The following HNF1B variants were observed in gnomAD, a reference collection of about 807,000 sequenced individuals.
The protein encoded by HNF1B is HNF1 homeobox B, also known as hepatocyte nuclear factor 1-beta.
HNF1B carries 8 observed loss-of-function variants against 61.7 expected under a neutral mutation model. That is an observed-to-expected ratio of 0.13 (90% CI 0.08 to 0.23). The LOEUF (loss-of-function observed/expected upper bound fraction) is 0.23, where lower values mean the gene tolerates loss of function less well. HNF1B is among the 10% of genes least tolerant of loss of function. HNF1B has a pLI of 1.00. For missense variants in HNF1B, 562 were observed against 714.5 expected (o/e 0.79, Z 2.43); for synonymous variants, 314 against 287.7 (o/e 1.09, Z -0.93).
rs1415025339 is a variant in HNF1B at position 37,731,535 on chromosome 17, T to C, written c.1045+60A>G. 8.0e-6 allele frequency: 11 copies of C among 1,378,916 alleles called. No individual in the cohort carries two copies. The East Asian group carries it at 2.4e-4, about 31-fold the overall frequency. The allele number at this position is 1,378,916 out of a possible 1,614,324, so 85.4% of individuals were successfully genotyped here. A position where few individuals can be genotyped will look rare whatever the true frequency, so the allele number is the denominator to read the frequency against. On this transcript the variant is annotated intron_variant, in intron 4 of 8. Coordinates refer to ENST00000617811, the MANE Select transcript of HNF1B (RefSeq NM_000458.4). ...CTGAAAACCCTTAAACCAGATAAGA[T>C]CCGTGGCAAGAACCAGGATGGTTGG...
intron 2 of HNF1B, among the ~76,000 whole-genome samples, chr17:37,734,338 T>A (rs901228122): frequency 5.9e-5 from 9 of 152,260 alleles, no homozygotes; most frequent in Non-Finnish European, 1.3e-4. Context: ...CCAAACCTTT[T>A]GGAACATGCT....
At position 37,731,691 on chromosome 17, in the gene HNF1B, C is replaced by T. The variant is rs193922492; in HGVS notation, c.949G>A (p.Ala317Thr). ...EAFRQKLAMD[A>T]YSSNQTHSLN... ...CTGTGAGTCTGGTTGGAGCTATAGG[C>T]GTCCATGGCCAGCTTTTGCCGGAAT... Residue 317 changes from alanine to threonine, a missense_variant, in exon 4 of 9, where the codon GCC becomes ACC. Physicochemically the swap from Ala to Thr is moderately conservative, Grantham distance 58. Around this residue, in one of 6 missense-constraint regions of HNF1B, gnomAD observed 54 missense variants for 122.1 expected, o/e 0.44. Coordinates refer to ENST00000617811, the MANE Select transcript of HNF1B (RefSeq NM_000458.4). The T allele has an allele frequency of 2.0e-5, 32 of 1,613,986 alleles. No homozygotes were observed. The highest frequency in any genetic ancestry group is 2.5e-5 in the Non-Finnish European group (30 of 1,180,024).
chr17:37,739,279 C>A (rs946467029), intron 2 of HNF1B, among the ~76,000 whole-genome samples, 161 bp downstream of exon 2: 1 of 152,126 alleles, frequency 6.6e-6, no homozygotes, highest in Non-Finnish European at 1.5e-5. Context: ...GAAGCCAATC[C>A]ATTGTACAGC....
chr17:37,699,233 A>G, intron 7 of HNF1B, 39 bp from the exon 8 acceptor site: 1 of 1,482,004 alleles, frequency 6.7e-7, no homozygotes. Flanking sequence ...AGGTGCATAC[A>G]CAGGCAAAGA....
chr17:37,697,901 C>T (rs1395196119), intron 8 of HNF1B, among the ~76,000 whole-genome samples: 1 of 152,026 alleles, frequency 6.6e-6, no homozygotes, highest in Non-Finnish European at 1.5e-5. Flanking sequence ...CTTGCTGAAT[C>T]CTCAGAAAAA....
intron 2 of HNF1B, among the ~76,000 whole-genome samples, chr17:37,734,937 C>T (rs574458631): frequency 6.2e-4 from 94 of 151,840 alleles, no homozygotes; most frequent in African/African-American, 2.2e-3. Context: ...TATAGGTGTG[C>T]GGCACCATGC....
At chr17:37,720,508 CAT>C (rs754776125) in intron 4 of HNF1B, among the ~76,000 whole-genome samples, 4 of 151,374 alleles carry the variant, frequency 2.6e-5, no homozygotes, top group African/African-American at 4.9e-5. Flanking sequence ...TTTATATATA[CAT>C]ATATATATAA....
chr17:37,737,248 A>G (rs1013673363), intron 2 of HNF1B, among the ~76,000 whole-genome samples: 2 of 152,178 alleles, frequency 1.3e-5, no homozygotes, highest in African/African-American at 4.8e-5. Context: ...CCTTCAAGAC[A>G]TGATTTGAAT....
At chr17:37,688,606 G>C (rs1568629479) in intron 8 of HNF1B, among the ~76,000 whole-genome samples, 3 of 152,206 alleles carry the variant, frequency 2.0e-5, no homozygotes, top group African/African-American at 7.2e-5. Context: ...CAAACTAGCT[G>C]TCTAGGTGGC....
At chr17:37,712,992 A>G (rs2032985880) in intron 4 of HNF1B, among the ~76,000 whole-genome samples, 1 of 152,168 alleles carries the variant, frequency 6.6e-6, no homozygotes, top group Non-Finnish European at 1.5e-5. Flanking sequence ...AAAGAATCCT[A>G]CCCTGGCAGA....
Position 37,743,846 on chromosome 17 carries a change from G to A in HNF1B, c.344+695C>T, listed in dbSNP as rs548600257. Reference sequence around the variant, plus strand: ...GAGACCAGATCCTCTGCGAACTGAGGTCTGAGACGCGTTCGCCCCCACACC... The same window carrying A: ...GAGACCAGATCCTCTGCGAACTGAGATCTGAGACGCGTTCGCCCCCACACC... On this transcript the variant is annotated intron_variant, in intron 1 of 8. Coordinates refer to ENST00000617811, the MANE Select transcript of HNF1B (RefSeq NM_000458.4). Among the ~76,000 whole-genome samples the A allele has an allele frequency of 3.3e-5, 5 of 152,346 alleles. No individual in the cohort carries two copies. The East Asian group carries it at 7.7e-4, about 24-fold the overall frequency.
chr17:37,694,998 A>G (rs1166871491), intron 8 of HNF1B, among the ~76,000 whole-genome samples: 1 of 152,232 alleles, frequency 6.6e-6, no homozygotes, highest in Non-Finnish European at 1.5e-5. Flanking sequence ...ACAGCTTGCT[A>G]GAGAGATTAG....
rs952087689 is a variant in HNF1B at position 37,733,455 on chromosome 17, A to G, written c.809+102T>C. On this transcript the variant is annotated intron_variant, in intron 3 of 8. Transcript: ENST00000617811. ...CTTTGAGAAGCTCTGATTTAGCCAC[A>G]CTTATCTGTATAACTAGTGTCTCAA... The G allele has an allele frequency of 1.0e-5, 14 of 1,337,166 alleles. No homozygotes were observed. In the African/African-American group the frequency reaches 1.9e-4, roughly 18 times the overall value. The allele number at this position is 1,337,166 out of a possible 1,614,324, so 82.8% of individuals were successfully genotyped here. A position where few individuals can be genotyped will look rare whatever the true frequency, so the allele number is the denominator to read the frequency against.
intron 8 of HNF1B, 55 bp downstream of exon 8, chr17:37,699,021 T>C: frequency 1.6e-6 from 2 of 1,238,222 alleles, no homozygotes; most frequent in African/African-American, 3.0e-5. Flanking sequence ...TGCACATCCA[T>C]GGCCTTATCA....
chr17:37,717,066 G>A (rs1376373819), intron 4 of HNF1B, among the ~76,000 whole-genome samples: 3 of 152,116 alleles, frequency 2.0e-5, no homozygotes, highest in Non-Finnish European at 4.4e-5. Flanking sequence ...AAGAAAACAG[G>A]ACCAGAATTG....
At chr17:37,741,291 ATTATT>A (rs2033985396) in intron 1 of HNF1B, among the ~76,000 whole-genome samples, 1 of 152,218 alleles carries the variant, frequency 6.6e-6, no homozygotes, top group Non-Finnish European at 1.5e-5. Context: ...GGTAGTTGTG[ATTATT>A]TTATTAAGAC....
chr17:37,727,559 G>C (rs2033540119), intron 4 of HNF1B, among the ~76,000 whole-genome samples: 1 of 152,212 alleles, frequency 6.6e-6, no homozygotes, highest in South Asian at 2.1e-4. Flanking sequence ...GCTGGTGTGT[G>C]ATTGTAAAGC....
intron 3 of HNF1B, 113 bp from the exon 4 acceptor site, chr17:37,731,943 G>C: frequency 4.2e-6 from 3 of 709,908 alleles, no homozygotes. Context: ...AAGGGGCCGT[G>C]GGCAGAATGG....
chr17:37,735,619 C>G (rs1031866346), intron 2 of HNF1B, among the ~76,000 whole-genome samples: 1 of 152,114 alleles, frequency 6.6e-6, no homozygotes, highest in Non-Finnish European at 1.5e-5. Flanking sequence ...CATGTGGGGC[C>G]CCAGCTTAAT....
Sources: allele counts gnomAD v4.1 joint callset (sites outside exome capture counted in the v4.1 genomes callset), GRCh38; gene constraint gnomAD v4.1.1; regional missense constraint gnomAD v4.1.1; transcripts MANE v1.5; gene names NCBI Gene and HGNC (gene_info 2026-07-23, HGNC 2026-07-21).